The following ELF2 variants were observed in gnomAD, a reference collection of about 807,000 sequenced individuals.
ELF2 encodes ETS-related transcription factor Elf-2.
In ELF2, 11 loss-of-function variants were observed where a neutral mutation model predicts 54.8. That is an observed-to-expected ratio of 0.20 (90% CI 0.13 to 0.33). The LOEUF is 0.33. ELF2 is among the 10% of genes least tolerant of loss of function. The probability of loss-of-function intolerance (pLI) is 1.00; values close to 1 mark genes in which losing one functional copy is unlikely to be tolerated. For synonymous variants in ELF2, 203 were observed against 245.1 expected (o/e 0.83, Z 1.61); for missense variants, 513 against 703.0 (o/e 0.73, Z 3.06).
chr4:139,057,493 T>C lies in ELF2; in HGVS notation c.*1490A>G, dbSNP rs1263985784. 6.6e-6 allele frequency: 1 copy of C among 152,240 alleles called. No homozygotes were observed. Among genetic ancestry groups the C allele is most frequent in the Admixed American group, 6.5e-5 (1 of 15,284 alleles). 9.4% of individuals were successfully genotyped at this position (152,240 alleles called of 1,614,324 possible). Reference sequence around the variant, plus strand: ...CAGACAGTAGTAAAATTACATAGTTTATGTAATCCTTCAGATACCTTAACT... The same window carrying C: ...CAGACAGTAGTAAAATTACATAGTTCATGTAATCCTTCAGATACCTTAACT... On this transcript the variant is annotated 3_prime_UTR_variant, in exon 10 of 10. Coordinates refer to ENST00000686138, the MANE Select transcript of ELF2 (RefSeq NM_001331036.3).
intron 7 of ELF2, among the ~76,000 whole-genome samples, chr4:139,063,745 A>AT (rs1728234263): frequency 6.6e-6 from 1 of 152,298 alleles, no homozygotes; most frequent in South Asian, 2.1e-4. Context: ...AATCTAGAAA[A>AT]TATGTCTGTG....
chr4:139,149,966 G>A (rs1739700851), intron 1 of ELF2, among the ~76,000 whole-genome samples: 1 of 152,120 alleles, frequency 6.6e-6, no homozygotes, highest in Admixed American at 6.5e-5. Context: ...AGGCCGAGGT[G>A]GGTGGATCAT....
At chr4:139,100,214 G>A (rs1255178984) in intron 4 of ELF2, among the ~76,000 whole-genome samples, 3 of 152,148 alleles carry the variant, frequency 2.0e-5, no homozygotes, top group African/African-American at 7.2e-5. Flanking sequence ...ATGTTAATAT[G>A]TAAAACCCTA....
intron 1 of ELF2, among the ~76,000 whole-genome samples, chr4:139,144,537 CACAG>C (rs150770028): frequency 0.014 from 2,150 of 152,292 alleles, 47 homozygotes; most frequent in African/African-American, 0.048. Flanking sequence ...AAGCTGTAAC[CACAG>C]ACACAGAAGT....
At chr4:139,105,568 C>A (rs770410064) in intron 4 of ELF2, among the ~76,000 whole-genome samples, 1 of 152,172 alleles carries the variant, frequency 6.6e-6, no homozygotes, top group African/African-American at 2.4e-5. Flanking sequence ...TCATTTCCAA[C>A]ACTCTAGGGA....
chr4:139,124,374 T>C (rs1160307137), intron 4 of ELF2, among the ~76,000 whole-genome samples: 1 of 152,160 alleles, frequency 6.6e-6, no homozygotes, highest in Non-Finnish European at 1.5e-5. Flanking sequence ...AAGAAATACA[T>C]CACATACTCA....
At chr4:139,176,088 G>C (rs936911189) in intron 1 of ELF2, among the ~76,000 whole-genome samples, 1 of 152,182 alleles carries the variant, frequency 6.6e-6, no homozygotes, top group Non-Finnish European at 1.5e-5. Flanking sequence ...AGCCCTCCCT[G>C]TCCTCCTTCC....
At chr4:139,108,098 C>T (rs963522455) in intron 4 of ELF2, among the ~76,000 whole-genome samples, 1 of 151,944 alleles carries the variant, frequency 6.6e-6, no homozygotes, top group African/African-American at 2.4e-5. Flanking sequence ...ATCAATTTGT[C>T]GATGATAGGC....
At chr4:139,166,394 ATAAG>A (rs1741722861) in intron 1 of ELF2, among the ~76,000 whole-genome samples, 2 of 151,834 alleles carry the variant, frequency 1.3e-5, no homozygotes, top group African/African-American at 4.8e-5. Context: ...CAAAAAATAA[ATAAG>A]TAAAATTTAA....
At chr4:139,138,586 T>C (rs766316666) in intron 2 of ELF2, among the ~76,000 whole-genome samples, 22 of 152,228 alleles carry the variant, frequency 1.4e-4, no homozygotes, top group Admixed American at 6.5e-4. Context: ...AAAAGATTAT[T>C]GATCCTTAAA....
rs1169166463 is a variant in ELF2 at position 139,135,275 on chromosome 4, G to A, written c.72+2355C>T. 5.2e-4 allele frequency among the ~76,000 whole-genome samples: 71 copies of A among 136,614 alleles called. 1 individual carries two copies. In the East Asian group the frequency reaches 8.0e-3, roughly 15 times the overall value. 89.6% of individuals were successfully genotyped at this position (136,614 alleles called of 152,430 possible). ...TGTGTGTGTGTGTGTGTGTGTGTGT[G>A]TGTGTATATATGAATGAAACATTCC... On this transcript the variant is annotated intron_variant, in intron 3 of 9. Transcript: ENST00000686138.
chr4:139,159,004 G>A (rs1212841281), intron 1 of ELF2, among the ~76,000 whole-genome samples: 2 of 152,130 alleles, frequency 1.3e-5, no homozygotes, highest in African/African-American at 2.4e-5. Flanking sequence ...AATAAAGGCC[G>A]GTCCGTTATC....
chr4:139,126,754 C>T (rs550506571), intron 3 of ELF2, among the ~76,000 whole-genome samples: 1 of 152,164 alleles, frequency 6.6e-6, no homozygotes, highest in Non-Finnish European at 1.5e-5. Context: ...AAGGTATCTT[C>T]TCAGACATGA....
intron 6 of ELF2, 116 bp from the exon 7 acceptor site, chr4:139,067,886 AAT>A: frequency 1.0e-6 from 1 of 968,208 alleles, no homozygotes; most frequent in Non-Finnish European, 1.5e-6. Context: ...TTTGTAGATG[AAT>A]ATACTCTATG....
intron 1 of ELF2, among the ~76,000 whole-genome samples, chr4:139,172,435 A>C (rs548251342): frequency 9.2e-5 from 14 of 152,256 alleles, no homozygotes; most frequent in African/African-American, 3.4e-4. Context: ...CCCTTTATCC[A>C]CCATATTCAC....
At chr4:139,112,281 G>A (rs1735031258) in intron 4 of ELF2, among the ~76,000 whole-genome samples, 1 of 152,148 alleles carries the variant, frequency 6.6e-6, no homozygotes, top group Non-Finnish European at 1.5e-5. Context: ...CACATCCTCA[G>A]GAAGGCATTC....
chr4:139,156,841 C>T (rs959625639), intron 1 of ELF2, among the ~76,000 whole-genome samples: 1 of 151,992 alleles, frequency 6.6e-6, no homozygotes, highest in Non-Finnish European at 1.5e-5. Flanking sequence ...ACCATGTTGG[C>T]CAGGCTGGTC....
At chr4:139,168,114 A>G (rs1183037785) in intron 1 of ELF2, among the ~76,000 whole-genome samples, 1 of 152,230 alleles carries the variant, frequency 6.6e-6, no homozygotes. Context: ...AATGCTCTGC[A>G]TTAGCTATTG....
chr4:139,063,339 A>G (rs1194409885), intron 7 of ELF2, among the ~76,000 whole-genome samples: 1 of 152,176 alleles, frequency 6.6e-6, no homozygotes, highest in Non-Finnish European at 1.5e-5. Flanking sequence ...TACTGATTAC[A>G]CCCAATAGAC....
Sources: gnomAD v4.1 joint callset for allele counts (sites outside exome capture counted in the v4.1 genomes callset) on GRCh38, gnomAD v4.1.1 for gene constraint, MANE v1.5 for transcripts, NCBI Gene and HGNC (gene_info 2026-07-23, HGNC 2026-07-21) for gene names.